The following SPOCK3 variants were observed in gnomAD, a reference collection of about 807,000 sequenced individuals.
SPOCK3 encodes the protein testican-3.
In SPOCK3, 30 loss-of-function variants were observed where a neutral mutation model predicts 56.6. The observed-to-expected ratio is 0.53, with a 90% confidence interval of 0.40 to 0.72. The LOEUF (loss-of-function observed/expected upper bound fraction) is 0.72. SPOCK3 is among the 30% of genes least tolerant of loss of function. SPOCK3 has a pLI of 0.00. For missense variants in SPOCK3, 527 were observed against 530.0 expected (o/e 0.99, Z 0.06); for synonymous variants, 196 against 183.3 (o/e 1.07, Z -0.56).
chr4:166,864,028 A>G (rs1185830679), intron 6 of SPOCK3, among the ~76,000 whole-genome samples: 1 of 152,252 alleles, frequency 6.6e-6, no homozygotes, highest in East Asian at 1.9e-4. Flanking sequence ...TGACCACACA[A>G]TTGGAAGTAA....
intron 3 of SPOCK3, among the ~76,000 whole-genome samples, chr4:167,054,585 C>T (rs1245181507): frequency 6.6e-6 from 1 of 152,070 alleles, no homozygotes; most frequent in Non-Finnish European, 1.5e-5. Context: ...ATGCCCAGAC[C>T]AATATATTGT....
intron 8 of SPOCK3, among the ~76,000 whole-genome samples, chr4:166,744,383 T>A (rs1373272201): frequency 6.6e-6 from 1 of 152,014 alleles, no homozygotes; most frequent in Non-Finnish European, 1.5e-5. Context: ...CAAACCTGCC[T>A]CTGAGGGTCC....
chr4:166,827,666 T>C (rs1386893780), intron 6 of SPOCK3, among the ~76,000 whole-genome samples: 1 of 152,066 alleles, frequency 6.6e-6, no homozygotes, highest in Non-Finnish European at 1.5e-5. Context: ...ATATTAGGAC[T>C]GTACATTCTG....
At chr4:166,978,216 T>G (rs1455510663) in intron 4 of SPOCK3, among the ~76,000 whole-genome samples, 1 of 152,176 alleles carries the variant, frequency 6.6e-6, no homozygotes, top group Non-Finnish European at 1.5e-5. Flanking sequence ...TTCCAATTCA[T>G]ATTTTATTTT....
At chr4:166,836,849 T>A (rs1746672844) in intron 6 of SPOCK3, among the ~76,000 whole-genome samples, 1 of 152,240 alleles carries the variant, frequency 6.6e-6, no homozygotes, top group African/African-American at 2.4e-5. Context: ...TACCTCGGCC[T>A]ACTTTCAGAG....
chr4:167,089,058 G>T (rs1332638724), intron 2 of SPOCK3, among the ~76,000 whole-genome samples: 1 of 151,988 alleles, frequency 6.6e-6, no homozygotes, highest in African/African-American at 2.4e-5. Context: ...ACTGCACTTA[G>T]TTATGAGGTG....
At position 166,853,151 on chromosome 4, in the gene SPOCK3, C is replaced by A. The variant is rs79979221; in HGVS notation, c.589+35979G>T. Among the ~76,000 whole-genome samples the A allele has an allele frequency of 5.4e-3, 818 of 151,968 alleles. 50 individuals are homozygous for A. In the East Asian group the frequency reaches 0.13, roughly 24 times the overall value. ...TTGATGTCACATTTAAAATTGTATC[C>A]ATTTAGATATTGAAATAGGTTGCTA... On this transcript the variant is annotated intron_variant, in intron 6 of 10. Transcript: ENST00000357545.
chr4:166,908,990 A>G (rs1279266706), intron 5 of SPOCK3, among the ~76,000 whole-genome samples: 2 of 152,100 alleles, frequency 1.3e-5, no homozygotes, highest in African/African-American at 4.8e-5. Context: ...AATTTGAAAG[A>G]ATTCAGAGAA....
chr4:166,847,266 G>T (rs1748152254), intron 6 of SPOCK3, among the ~76,000 whole-genome samples: 1 of 151,982 alleles, frequency 6.6e-6, no homozygotes, highest in Non-Finnish European at 1.5e-5. Context: ...AGCAACTTTG[G>T]AGATTCCTTT....
intron 4 of SPOCK3, among the ~76,000 whole-genome samples, chr4:166,918,838 C>G (rs1016392386): frequency 1.3e-5 from 2 of 152,000 alleles, no homozygotes; most frequent in African/African-American, 4.8e-5. Flanking sequence ...AGGGGTGGAT[C>G]CCTCATGAGT....
At chr4:166,924,026 G>C (rs1293324240) in intron 4 of SPOCK3, among the ~76,000 whole-genome samples, 1 of 152,098 alleles carries the variant, frequency 6.6e-6, no homozygotes, top group Non-Finnish European at 1.5e-5. Context: ...AGAAAGTAGT[G>C]GGTACAAGGC....
chr4:167,069,929 C>T (rs547957010), intron 2 of SPOCK3, among the ~76,000 whole-genome samples: 2 of 151,916 alleles, frequency 1.3e-5, no homozygotes, highest in South Asian at 2.1e-4. Flanking sequence ...GCTTGTTTTC[C>T]CTTCTGGATT....
At chr4:167,224,512 C>T (rs1482154538) in intron 2 of SPOCK3, among the ~76,000 whole-genome samples, 2 of 152,032 alleles carry the variant, frequency 1.3e-5, no homozygotes, top group African/African-American at 2.4e-5. Flanking sequence ...ATATGCCACT[C>T]GTTATTTGAT....
chr4:166,840,903 CG>C (rs1250165271), intron 6 of SPOCK3, among the ~76,000 whole-genome samples: 1 of 151,006 alleles, frequency 6.6e-6, no homozygotes, highest in African/African-American at 2.4e-5. Flanking sequence ...CTCAGCCTCC[CG>C]AGTAGCTGGT....
At chr4:166,975,424 T>C (rs1190699893) in intron 4 of SPOCK3, among the ~76,000 whole-genome samples, 1 of 152,198 alleles carries the variant, frequency 6.6e-6, no homozygotes, top group Non-Finnish European at 1.5e-5. Flanking sequence ...AGGTATTCGA[T>C]ACAGGCATAC....
chr4:167,008,416 T>C (rs1371795911), intron 3 of SPOCK3, among the ~76,000 whole-genome samples: 1 of 152,124 alleles, frequency 6.6e-6, no homozygotes. Flanking sequence ...CATGAAGCTA[T>C]AAAAATTGTA....
intron 2 of SPOCK3, among the ~76,000 whole-genome samples, chr4:167,153,530 A>T (rs1764579491): frequency 6.6e-6 from 1 of 152,332 alleles, no homozygotes; most frequent in African/African-American, 2.4e-5. Context: ...ATTCCCAGTG[A>T]TCCATAACCA....
intron 6 of SPOCK3, among the ~76,000 whole-genome samples, chr4:166,844,748 A>C (rs1025040008): frequency 6.6e-6 from 1 of 152,200 alleles, no homozygotes; most frequent in Admixed American, 6.5e-5. Context: ...CTACATCTAT[A>C]TCTATATCTA....
In SPOCK3 at chr4:167,234,113, C is replaced by A. The variant is rs1361712392; in HGVS notation, c.61G>T (p.Ala21Ser). The change falls in exon 2 of 11, where the codon GCA becomes TCA. Residue 21 changes from alanine to serine, a missense_variant. By Grantham distance (99) the Ala-to-Ser change is moderately conservative. Coordinates refer to ENST00000357545, the MANE Select transcript of SPOCK3 (RefSeq NM_001040159.2). ...GCTGCAGCCACCGCCGCGGCAGCTG[C>A]GAGAGACTGACTGCACCAAGCGGCT... is the stretch of plus-strand genomic sequence containing the variant. The part of the protein sequence containing the change: ...CAAAWCSQSL[A>S]AAAAVAAAGG... 2 of 1,613,890 alleles carry A rather than the reference C, an allele frequency of 1.2e-6. No homozygotes were observed. The highest frequency in any genetic ancestry group is 2.2e-5 in the East Asian group (1 of 44,840).
Sources: allele counts gnomAD v4.1 joint callset (sites outside exome capture counted in the v4.1 genomes callset), GRCh38; gene constraint gnomAD v4.1.1; transcripts MANE v1.5; gene names NCBI Gene and HGNC (gene_info 2026-07-23, HGNC 2026-07-21).